Variants in LRFN5 observed in about 807,000 individuals in gnomAD.
LRFN5 encodes the protein leucine-rich repeat and fibronectin type-III domain-containing protein 5.
Under a neutral mutation model 45.6 loss-of-function variants are expected in LRFN5, and 24 were observed. The observed-to-expected ratio is 0.53, with a 90% CI of 0.38 to 0.74. The LOEUF is 0.74. LRFN5 is among the 30% of genes least tolerant of loss of function. The pLI is 0.00. For missense variants in LRFN5, 776 were observed against 861.5 expected (o/e 0.90, Z 1.24); for synonymous variants, 340 against 313.8 (o/e 1.08, Z -0.88).
intron 2 of LRFN5, among the ~76,000 whole-genome samples, chr14:41,874,585 T>C (rs1249558651): frequency 6.6e-6 from 1 of 152,198 alleles, no homozygotes; most frequent in Non-Finnish European, 1.5e-5. Flanking sequence ...TTCCTCATAA[T>C]GCACTTTAAT....
intron 1 of LRFN5, among the ~76,000 whole-genome samples, chr14:41,674,175 A>G (rs61990313): frequency 4.9e-3 from 398 of 81,000 alleles, no homozygotes; most frequent in Middle Eastern, 0.014. Context: ...CTCACCTCCC[A>G]GACGGGGCGG....
intron 2 of LRFN5, among the ~76,000 whole-genome samples, chr14:41,790,577 GT>G (rs10711984): frequency 0.69 from 98,640 of 142,982 alleles, 33,451 homozygotes; most frequent in East Asian, 0.91. Context: ...GGCTAATTTT[GT>G]TTTTTTTTTT....
intron 2 of LRFN5, among the ~76,000 whole-genome samples, chr14:41,864,017 A>G (rs114554042): frequency 0.052 from 7,866 of 152,176 alleles, 851 homozygotes; most frequent in East Asian, 0.48. Flanking sequence ...CCTTTTCTTT[A>G]AGGCTTCATA....
At chr14:41,855,048 A>G (rs1383954842) in intron 2 of LRFN5, among the ~76,000 whole-genome samples, 1 of 152,226 alleles carries the variant, frequency 6.6e-6, no homozygotes, top group African/African-American at 2.4e-5. Flanking sequence ...AAACCCAGTG[A>G]TCTTAAAAGG....
intron 1 of LRFN5, among the ~76,000 whole-genome samples, chr14:41,710,656 C>T (rs1478701479): frequency 6.6e-6 from 1 of 151,952 alleles, no homozygotes; most frequent in Non-Finnish European, 1.5e-5. Context: ...TTCTAGGGTA[C>T]ATGTGCACAA....
chr14:41,674,806 G>T (rs760477950), intron 1 of LRFN5, among the ~76,000 whole-genome samples: 1 of 148,384 alleles, frequency 6.7e-6, no homozygotes, highest in Non-Finnish European at 1.5e-5. Context: ...ACTTCTCAGA[G>T]GGGGCGGCTG....
chr14:41,748,903 T>G lies in LRFN5; in HGVS notation c.-196-17951T>G, dbSNP rs114095218. On this transcript the variant is annotated intron_variant, in intron 1 of 5. Coordinates refer to ENST00000298119, the MANE Select transcript of LRFN5 (RefSeq NM_152447.5). ...AGAATACCACAGACAGGATATTTTA[T>G]ATATATATATATAAATTTATTTATC... Among the ~76,000 whole-genome samples the G allele has an allele frequency of 6.9e-3, 1,041 of 151,094 alleles. 12 individuals are homozygous for G. The highest frequency in any genetic ancestry group is 0.021 in the African/African-American group (860 of 41,258).
chr14:41,626,797 T>G (rs1013362274), intron 1 of LRFN5, among the ~76,000 whole-genome samples: 19 of 152,188 alleles, frequency 1.2e-4, no homozygotes, highest in Non-Finnish European at 2.5e-4. Context: ...CTCTGATGTA[T>G]TAGACAAAGA....
At chr14:41,855,857 G>T (rs1035574021) in intron 2 of LRFN5, among the ~76,000 whole-genome samples, 1 of 152,086 alleles carries the variant, frequency 6.6e-6, no homozygotes, top group African/African-American at 2.4e-5. Context: ...GTGAAACTAT[G>T]TATCACTGTA....
chr14:41,732,375 T>C (rs1458946597), intron 1 of LRFN5, among the ~76,000 whole-genome samples: 2 of 152,178 alleles, frequency 1.3e-5, no homozygotes, highest in African/African-American at 4.8e-5. Context: ...AAGAGGCTGG[T>C]GCCTTGTTCC....
chr14:41,895,171 G>A (rs1488830621), intron 4 of LRFN5, among the ~76,000 whole-genome samples: 1 of 151,900 alleles, frequency 6.6e-6, no homozygotes, highest in Non-Finnish European at 1.5e-5. Flanking sequence ...TCCCCCAATT[G>A]AAAATATAAA....
chr14:41,864,029 T>A lies in LRFN5; in HGVS notation c.-20-22577T>A, dbSNP rs186314917. Among the ~76,000 whole-genome samples the A allele has an allele frequency of 1.0e-3, 157 of 152,356 alleles. 1 individual carries two copies. The highest frequency in any genetic ancestry group is 1.3e-3 in the Non-Finnish European group (86 of 68,038). On this transcript the variant is annotated intron_variant, in intron 2 of 5. Coordinates refer to ENST00000298119, the MANE Select transcript of LRFN5 (RefSeq NM_152447.5). ...CATCCTTTTCTTTAAGGCTTCATAG[T>A]ATTCCATGGTATATATCCACATTTG...
intron 2 of LRFN5, among the ~76,000 whole-genome samples, chr14:41,849,689 G>T (rs1053606768): frequency 1.9e-4 from 29 of 151,950 alleles, no homozygotes; most frequent in African/African-American, 7.0e-4. Context: ...TTGCCCTTGT[G>T]GGGTGGTTTA....
chr14:41,624,840 T>C (rs1888267848), intron 1 of LRFN5, among the ~76,000 whole-genome samples: 1 of 152,172 alleles, frequency 6.6e-6, no homozygotes, highest in Non-Finnish European at 1.5e-5. Context: ...ACAGGATTTA[T>C]AATTTTTTCA....
At position 41,757,295 on chromosome 14, in the gene LRFN5, G is replaced by T. The variant is rs550931220; in HGVS notation, c.-196-9559G>T. 2.0e-5 allele frequency among the ~76,000 whole-genome samples: 3 copies of T among 152,314 alleles called. No individual in the cohort carries two copies. The South Asian group carries it at 6.2e-4, about 32-fold the overall frequency. ...ACTCTCTTCAAAGCTGTCAGACAGG[G>T]ACATTTAAGTCTGCAGAGATTTCTG... is the stretch of plus-strand genomic sequence containing the variant. On this transcript the variant is annotated intron_variant, in intron 1 of 5. Transcript: ENST00000298119.
intron 2 of LRFN5, among the ~76,000 whole-genome samples, chr14:41,869,714 CAA>C (rs1362260193): frequency 6.6e-6 from 1 of 152,028 alleles, no homozygotes; most frequent in Non-Finnish European, 1.5e-5. Flanking sequence ...TGGTGGCAGA[CAA>C]GAGAGAGCTT....
chr14:41,655,366 G>A (rs978383287), intron 1 of LRFN5, among the ~76,000 whole-genome samples: 1 of 152,054 alleles, frequency 6.6e-6, no homozygotes, highest in Non-Finnish European at 1.5e-5. Flanking sequence ...AGACTAAATC[G>A]TAAGTATTCT....
intron 1 of LRFN5, among the ~76,000 whole-genome samples, chr14:41,703,969 A>G (rs1179174306): frequency 6.6e-6 from 1 of 152,122 alleles, no homozygotes; most frequent in East Asian, 1.9e-4. Flanking sequence ...TGACTTGCTT[A>G]TCACTCCGAT....
At chr14:41,845,358 TA>T (rs1298097385) in intron 2 of LRFN5, among the ~76,000 whole-genome samples, 6 of 152,142 alleles carry the variant, frequency 3.9e-5, no homozygotes, top group African/African-American at 1.4e-4. Flanking sequence ...TTTATTGTGT[TA>T]TTCATATATA....
Sources: gnomAD v4.1 joint callset for allele counts (sites outside exome capture counted in the v4.1 genomes callset) on GRCh38, gnomAD v4.1.1 for gene constraint, MANE v1.5 for transcripts, NCBI Gene and HGNC (gene_info 2026-07-23, HGNC 2026-07-21) for gene names.